PHF20: variants seen among roughly 807,000 people sequenced by gnomAD.
PHF20 encodes the protein PHD finger protein 20, also known as glioma-expressed antigen 2.
A neutral mutation model predicts 113.5 loss-of-function variants in PHF20; 23 were observed. The ratio of observed to expected loss-of-function variants is 0.20; its 90% confidence interval spans 0.15 to 0.29. The LOEUF (loss-of-function observed/expected upper bound fraction) is 0.29. Ranked by LOEUF, PHF20 falls within the 10% of genes least tolerant of loss-of-function variation. PHF20 has a pLI of 1.00. For synonymous variants in PHF20, 434 were observed against 457.3 expected (o/e 0.95, Z 0.65); for missense variants, 943 against 1,219.6 (o/e 0.77, Z 3.38).
chr20:35,913,889 TG>T (rs2055353027), intron 11 of PHF20, 143 bp from the exon 12 acceptor site: 1 of 684,396 alleles, frequency 1.5e-6, no homozygotes, highest in East Asian at 2.7e-5. Context: ...CCCCTTCATC[TG>T]CTCTCCACAC....
At chr20:35,888,208 C>T (rs987768012) in intron 9 of PHF20, among the ~76,000 whole-genome samples, 7 of 152,096 alleles carry the variant, frequency 4.6e-5, no homozygotes, top group African/African-American at 7.2e-5. Context: ...CTCCAACTCC[C>T]GACCTCAGGT....
intron 1 of PHF20, among the ~76,000 whole-genome samples, chr20:35,798,564 C>T (rs532080152): frequency 3.4e-4 from 52 of 151,790 alleles, no homozygotes; most frequent in African/African-American, 1.2e-3. Flanking sequence ...AAGTGATTCT[C>T]CTGCCTCAGC....
At chr20:35,821,127 A>C (rs2042160935) in intron 2 of PHF20, among the ~76,000 whole-genome samples, 2 of 152,016 alleles carry the variant, frequency 1.3e-5, no homozygotes, top group Non-Finnish European at 2.9e-5. Flanking sequence ...TTAAACAGGG[A>C]ATCAATGTTA....
intron 10 of PHF20, among the ~76,000 whole-genome samples, chr20:35,904,603 C>T (rs949839123): frequency 1.3e-5 from 2 of 151,942 alleles, no homozygotes; most frequent in Non-Finnish European, 1.5e-5. Flanking sequence ...CTCGAAAGTA[C>T]CCTGCAGAGA....
At chr20:35,946,650 T>G (rs1281089204) in intron 17 of PHF20, among the ~76,000 whole-genome samples, 2 of 148,986 alleles carry the variant, frequency 1.3e-5, no homozygotes, top group African/African-American at 4.9e-5. Context: ...AAGCTTTTTA[T>G]TTTTTATTTT....
At chr20:35,909,201 G>C (rs1461828355) in intron 10 of PHF20, among the ~76,000 whole-genome samples, 2 of 151,682 alleles carry the variant, frequency 1.3e-5, no homozygotes, top group Non-Finnish European at 2.9e-5. Context: ...CCTATTCATA[G>C]TTTGCTGCCC....
intron 15 of PHF20, among the ~76,000 whole-genome samples, chr20:35,935,470 G>A (rs756693210): frequency 6.6e-6 from 1 of 152,126 alleles, no homozygotes; most frequent in Non-Finnish European, 1.5e-5. Context: ...GAGTTCAAGC[G>A]ATTCTTATGC....
At position 35,817,327 on chromosome 20, in the gene PHF20, C is replaced by T. The variant is rs376277886; in HGVS notation, c.83+15722C>T. On this transcript the variant is annotated intron_variant, in intron 2 of 17. Transcript: ENST00000374012. ...TCAGCCTCCCAAATAGGAGGGATTA[C>T]GGGCCCCTGCCACGGCGCCCAGCTA... 8.5e-5 allele frequency among the ~76,000 whole-genome samples: 13 copies of T among 152,126 alleles called. 1 individual carries two copies. In the East Asian group the frequency reaches 2.1e-3, roughly 25 times the overall value.
chr20:35,805,233 C>T (rs2041859295), intron 2 of PHF20, among the ~76,000 whole-genome samples: 1 of 151,772 alleles, frequency 6.6e-6, no homozygotes, highest in Admixed American at 6.6e-5. Context: ...AGGTCTCATT[C>T]TGTTGCTCAG....
Position 35,799,543 on chromosome 20 carries a change from T to G in PHF20, c.-32-1948T>G, listed in dbSNP as rs188384078. On this transcript the variant is annotated intron_variant, in intron 1 of 17. Transcript: ENST00000374012. ...GTAAGTCTGCTGTAAGGAAGTGGCC[T>G]GTTCAAGTGCCCTTAGAGTTCAGAG... Among the ~76,000 whole-genome samples, 81 of 152,244 alleles carry G rather than the reference T, an allele frequency of 5.3e-4. 1 individual carries two copies. The East Asian group carries it at 0.014, about 27-fold the overall frequency.
intron 2 of PHF20, among the ~76,000 whole-genome samples, chr20:35,830,917 G>C (rs1438549036): frequency 6.6e-6 from 1 of 151,888 alleles, no homozygotes; most frequent in Non-Finnish European, 1.5e-5. Context: ...TTATAACCCA[G>C]CTTTGGAAGT....
At chr20:35,836,844 C>CA (rs36116121) in intron 2 of PHF20, among the ~76,000 whole-genome samples, 491 of 70,374 alleles carry the variant, frequency 7.0e-3, no homozygotes, top group East Asian at 0.011. Flanking sequence ...GACTCCGTCT[C>CA]AAAAAAAAAA....
chr20:35,869,744 GTAC>G (rs2054384559), intron 7 of PHF20, among the ~76,000 whole-genome samples, 193 bp downstream of exon 7: 1 of 152,164 alleles, frequency 6.6e-6, no homozygotes, highest in Non-Finnish European at 1.5e-5. Context: ...AGCACAAACT[GTAC>G]TAATGTTGGG....
rs188523997 is a variant in PHF20, at chr20:35,793,780, T to C, written c.-32-7711T>C. 3.4e-4 allele frequency among the ~76,000 whole-genome samples: 47 copies of C among 138,794 alleles called. No individual in the cohort carries two copies. The Middle Eastern group carries it at 0.013, about 39-fold the overall frequency. The allele number at this position is 138,794 out of a possible 152,430, so 91.1% of individuals were successfully genotyped here. A position where few individuals can be genotyped will look rare whatever the true frequency, so the allele number is the denominator to read the frequency against. On this transcript the variant is annotated intron_variant, in intron 1 of 17. Transcript: ENST00000374012. Reference sequence around the variant, plus strand: ...TGGGAGGCTGAGGTTGGTGGATCACTGGAGGTCAGGAGTTCGAGACCAGCC... The same window carrying C: ...TGGGAGGCTGAGGTTGGTGGATCACCGGAGGTCAGGAGTTCGAGACCAGCC...
intron 6 of PHF20, among the ~76,000 whole-genome samples, chr20:35,865,766 C>G (rs931476459): frequency 2.6e-5 from 4 of 152,052 alleles, no homozygotes; most frequent in Non-Finnish European, 5.9e-5. Flanking sequence ...TCTGAAAGTG[C>G]TGAGATTACA....
rs74272529 is a variant in PHF20, at chr20:35,814,127, G to A, written c.83+12522G>A. ...CTGGGCACTGGGTGTGTTTATTGCTGCTAGGATGTCATTGTCTTAAACAAC... is the reference window on the plus strand; with the variant it reads ...CTGGGCACTGGGTGTGTTTATTGCTACTAGGATGTCATTGTCTTAAACAAC... On this transcript the variant is annotated intron_variant, in intron 2 of 17. Coordinates refer to ENST00000374012, the MANE Select transcript of PHF20 (RefSeq NM_016436.5). 2.6e-4 allele frequency among the ~76,000 whole-genome samples: 40 copies of A among 152,038 alleles called. No individual in the cohort carries two copies. The East Asian group carries it at 7.5e-3, about 29-fold the overall frequency.
At chr20:35,881,353 C>T (rs914074411) in intron 9 of PHF20, among the ~76,000 whole-genome samples, 6 of 151,736 alleles carry the variant, frequency 4.0e-5, no homozygotes, top group East Asian at 1.9e-4. Context: ...CCACCGCACC[C>T]GGCCTCCCTA....
chr20:35,798,242 C>A (rs911408504), intron 1 of PHF20, among the ~76,000 whole-genome samples: 8 of 151,788 alleles, frequency 5.3e-5, no homozygotes, highest in African/African-American at 1.9e-4. Context: ...ATAGCAAGAC[C>A]CTGTCTCTAC....
chr20:35,891,451 A>T (rs2054857873), intron 9 of PHF20, among the ~76,000 whole-genome samples: 1 of 152,106 alleles, frequency 6.6e-6, no homozygotes, highest in African/African-American at 2.4e-5. Flanking sequence ...ACCAACTGTT[A>T]TACAAATAGA....
Sources: gnomAD v4.1 joint callset for allele counts (sites outside exome capture counted in the v4.1 genomes callset) on GRCh38, gnomAD v4.1.1 for gene constraint, MANE v1.5 for transcripts, NCBI Gene and HGNC (gene_info 2026-07-23, HGNC 2026-07-21) for gene names.